Variants in LMNB2 observed in about 807,000 individuals in gnomAD.
The protein encoded by LMNB2 is lamin-B2.
A neutral mutation model predicts 69.3 loss-of-function variants in LMNB2; 17 were observed. That is an observed-to-expected ratio of 0.25 (90% CI 0.17 to 0.37). The LOEUF (loss-of-function observed/expected upper bound fraction) is 0.37, where lower values mean the gene tolerates loss of function less well. Ranked by LOEUF, LMNB2 falls within the 10% of genes least tolerant of loss-of-function variation. The pLI is 1.00. For missense variants in LMNB2, 789 were observed against 883.6 expected (o/e 0.89, Z 1.36); for synonymous variants, 397 against 389.3 (o/e 1.02, Z -0.23).
chr19:2,446,972 C>G (rs1971963585), intron 1 of LMNB2, among the ~76,000 whole-genome samples: 1 of 151,904 alleles, frequency 6.6e-6, no homozygotes, highest in African/African-American at 2.4e-5. Flanking sequence ...AACCCCGTCT[C>G]TACTAAAAAA....
At chr19:2,442,507 TG>T (rs1971909538) in intron 2 of LMNB2, among the ~76,000 whole-genome samples, 1 of 152,142 alleles carries the variant, frequency 6.6e-6, no homozygotes, top group South Asian at 2.1e-4. Context: ...AGGTGGATGT[TG>T]CAGTGAGCCG....
In LMNB2 at chr19:2,453,519, C is replaced by T. The variant is rs1972053673; in HGVS notation, c.264+3151G>A. Among the ~76,000 whole-genome samples, 2 of 152,102 alleles carry T rather than the reference C, an allele frequency of 1.3e-5. No homozygotes were observed. The highest frequency in any genetic ancestry group is 1.3e-4 in the Admixed American group (2 of 15,270). On this transcript the variant is annotated intron_variant, in intron 1 of 11. Coordinates refer to ENST00000325327, the MANE Select transcript of LMNB2 (RefSeq NM_032737.4). This position sits in a 1 kb window ranked among gnomAD's most constrained non-coding sequence, Gnocchi z 4.4. ...GCTCCCCACTAGCCGGGTTCCTGGC[C>T]CACTAGTCGCAGGCGGAACTCCCAG... is the stretch of plus-strand genomic sequence containing the variant.
chr19:2,431,958 G>A (rs1287467082), intron 9 of LMNB2, 56 bp from the exon 10 acceptor site: 33 of 1,565,436 alleles, frequency 2.1e-5, no homozygotes, highest in Non-Finnish European at 2.8e-5. Context: ...CAGGGACGTG[G>A]GCCAGCCAGT....
rs373722325 is a variant in LMNB2, at chr19:2,434,041, C to T, written c.1267G>A (p.Gly423Ser). Reference sequence around the variant, plus strand: ...AGGCGCCCGGTGGCGGACAAGCTGCCGCTGCTGCTCGAGGTGGCTCGTGAG... The same window carrying T: ...AGGCGCCCGGTGGCGGACAAGCTGCTGCTGCTGCTCGAGGTGGCTCGTGAG... ...TVSRATSSSS[G>S]SLSATGRLGR... The change falls in exon 8 of 12, where the codon GGC becomes AGC. Residue 423 changes from glycine to serine, a missense_variant. By Grantham distance (56) the Gly-to-Ser change is moderately conservative (BLOSUM62 0). Coordinates refer to ENST00000325327, the MANE Select transcript of LMNB2 (RefSeq NM_032737.4). 37 of 1,601,688 alleles carry T rather than the reference C, an allele frequency of 2.3e-5. 1 individual carries two copies. In the East Asian group the frequency reaches 3.1e-4, roughly 14 times the overall value.
chr19:2,434,756 G>T (rs753360244), intron 6 of LMNB2, 32 bp downstream of exon 6: 1 of 1,586,618 alleles, frequency 6.3e-7, no homozygotes, highest in African/African-American at 1.3e-5. Context: ...TTGGGCCAGG[G>T]GGACGGCAGA....
chr19:2,434,962 C>A, intron 5 of LMNB2, 39 bp downstream of exon 5: 3 of 1,466,910 alleles, frequency 2.0e-6, no homozygotes, highest in Admixed American at 1.8e-5. Flanking sequence ...GGGCGGGGTT[C>A]CCACCGGCCG....
intron 2 of LMNB2, among the ~76,000 whole-genome samples, chr19:2,442,277 G>A (rs1156796678): frequency 6.6e-6 from 1 of 152,010 alleles, no homozygotes; most frequent in Non-Finnish European, 1.5e-5. Context: ...GCAACATAGC[G>A]AGACCTCATC....
chr19:2,448,799 G>T (rs1971988008), intron 1 of LMNB2, among the ~76,000 whole-genome samples: 1 of 152,198 alleles, frequency 6.6e-6, no homozygotes, highest in South Asian at 2.1e-4. Context: ...TGTGAGCCAA[G>T]ATTGGGCCAT....
At position 2,431,858 on chromosome 19, in the gene LMNB2, C is replaced by G; in HGVS notation, c.1635G>C (p.Thr545=). The change falls in exon 10 of 12, where the codon ACG becomes ACC. Residue 545 remains threonine, a synonymous_variant. Transcript: ENST00000325327. ...GAGVAHSPPS[T]LVWKGQSSWG... ...AGCTGCTCTGGCCCTTCCACACCAG[C>G]GTCGAGGGGGGGCTGTGGGCCACCC... 6.2e-7 allele frequency: 1 copy of G among 1,613,278 alleles called. No homozygotes were observed. Among genetic ancestry groups the G allele is most frequent in the Non-Finnish European group, 8.5e-7 (1 of 1,179,910 alleles).
intron 2 of LMNB2, among the ~76,000 whole-genome samples, chr19:2,440,629 C>A (rs968476620): frequency 1.4e-5 from 2 of 141,592 alleles, no homozygotes; most frequent in Non-Finnish European, 3.3e-5. Flanking sequence ...ATCCATCCAT[C>A]CATCTACTCA....
rs1198100864 is a variant in LMNB2, at chr19:2,447,073, G to T, written c.265-2533C>A. Among the ~76,000 whole-genome samples the T allele has an allele frequency of 7.0e-6, 1 of 142,512 alleles. No individual in the cohort carries two copies. Among genetic ancestry groups the T allele is most frequent in the East Asian group, 1.9e-4 (1 of 5,132 alleles). The allele number at this position is 142,512 out of a possible 152,430, so 93.5% of individuals were successfully genotyped here. A position where few individuals can be genotyped will look rare whatever the true frequency, so the allele number is the denominator to read the frequency against. On this transcript the variant is annotated intron_variant, in intron 1 of 11. Coordinates refer to ENST00000325327, the MANE Select transcript of LMNB2 (RefSeq NM_032737.4). This position sits in a 1 kb window ranked among gnomAD's most constrained non-coding sequence, Gnocchi z 4.4. ...GCAGGAGAATGGCATGAACCCGGGA[G>T]GTGGAACTTGCAGTGAGCCGAGATC...
Position 2,453,434 on chromosome 19 carries a change from A to C in LMNB2, c.264+3236T>G, listed in dbSNP as rs1270412324. 6.8e-6 allele frequency among the ~76,000 whole-genome samples: 1 copy of C among 146,890 alleles called. No individual in the cohort carries two copies. Among genetic ancestry groups the C allele is most frequent in the African/African-American group, 2.5e-5 (1 of 39,388 alleles). ...CCAGCTATTCCAGGTCACTCCCTCC[A>C]TGTGGGCCCACATGACGTCCCCCCA... is the stretch of plus-strand genomic sequence containing the variant. On this transcript the variant is annotated intron_variant, in intron 1 of 11. Coordinates refer to ENST00000325327, the MANE Select transcript of LMNB2 (RefSeq NM_032737.4). This position sits in a 1 kb window ranked among gnomAD's most constrained non-coding sequence, Gnocchi z 4.4.
In LMNB2 at chr19:2,438,395, G is replaced by T. The variant is rs201202521; in HGVS notation, c.538C>A (p.Leu180Met). 5.6e-6 allele frequency: 9 copies of T among 1,612,920 alleles called. No homozygotes were observed. The East Asian group carries it at 2.0e-4, about 36-fold the overall frequency. The stretch of plus-strand genomic sequence containing the variant: ...CCTACCTTGGCCAGCTGGGCCCGCA[G>T]CTCAGCCACGTCACTCTCCAGGCCG... ...KRGLESDVAE[L>M]RAQLAKAEDG... The change falls in exon 3 of 12, where the codon CTG (leucine) becomes ATG (methionine). Residue 180 changes from leucine to methionine, a missense_variant. This residue lies in a region of LMNB2 where 609 missense variants were observed against 630.9 expected (regional missense o/e 0.97). Coordinates refer to ENST00000325327, the MANE Select transcript of LMNB2 (RefSeq NM_032737.4).
intron 4 of LMNB2, among the ~76,000 whole-genome samples, chr19:2,437,754 C>G (rs143822223): frequency 6.7e-6 from 1 of 149,534 alleles, no homozygotes; most frequent in African/African-American, 2.5e-5. Flanking sequence ...GAGCCAAGAT[C>G]GTGCCACCGC....
At chr19:2,442,827 C>T (rs565842748) in intron 2 of LMNB2, among the ~76,000 whole-genome samples, 4 of 152,234 alleles carry the variant, frequency 2.6e-5, no homozygotes, top group South Asian at 4.1e-4. Context: ...ACACCTAGGG[C>T]GGGCACTGTG....
Position 2,447,017 on chromosome 19 carries a change from G to A in LMNB2, c.265-2477C>T, listed in dbSNP as rs914863244. Among the ~76,000 whole-genome samples the A allele has an allele frequency of 4.6e-5, 7 of 151,964 alleles. No homozygotes were observed. The highest frequency in any genetic ancestry group is 3.9e-4 in the Admixed American group (6 of 15,224). On this transcript the variant is annotated intron_variant, in intron 1 of 11. Transcript: ENST00000325327. This position sits in a 1 kb window ranked among gnomAD's most constrained non-coding sequence, Gnocchi z 4.4. ...AAATTAGCCAGGCGTGGTGGTGGGC[G>A]CCTGTGGTCCCAGCTACTTGGGAGG...
chr19:2,429,804 T>G lies in LMNB2; in HGVS notation c.*1107A>C, dbSNP rs1482972417. On this transcript the variant is annotated 3_prime_UTR_variant, in exon 12 of 12. Transcript: ENST00000325327. ...AAATATCCATTAAAAAAATAACTTC[T>G]GTGTATCTATGAGGGAGGGTGTAAA... is the stretch of plus-strand genomic sequence containing the variant. 6.6e-6 allele frequency: 1 copy of G among 152,148 alleles called. No individual in the cohort carries two copies. The highest frequency in any genetic ancestry group is 2.4e-5 in the African/African-American group (1 of 41,396). 9.4% of individuals were successfully genotyped at this position (152,148 alleles called of 1,614,324 possible). A position where few individuals can be genotyped will look rare whatever the true frequency, so the allele number is the denominator to read the frequency against.
chr19:2,456,914 C>T lies in LMNB2; in HGVS notation c.20G>A (p.Gly7Asp). The T allele has an allele frequency of 1.0e-6, 1 of 999,196 alleles. No homozygotes were observed. The highest frequency in any genetic ancestry group is 1.2e-6 in the Non-Finnish European group (1 of 840,974). 61.9% of individuals were successfully genotyped at this position (999,196 alleles called of 1,614,324 possible). ...CGGCCTGCGCTGCTCCCGACGGCGG[C>T]CCGGGCTCGGCGGGCTCATTCAATC... is the stretch of plus-strand genomic sequence containing the variant. MSPPSP[G>D]RRREQRRPRA... The change falls in exon 1 of 12, where the codon GGC becomes GAC. Residue 7 changes from glycine to aspartate, a missense_variant. Around this residue, in one of 3 missense-constraint regions of LMNB2, gnomAD observed 35 missense variants for 23.9 expected, o/e 1.47. Transcript: ENST00000325327.
intron 2 of LMNB2, among the ~76,000 whole-genome samples, chr19:2,439,892 G>C (rs10420649): frequency 1 from 152,217 of 152,222 alleles, 76,106 homozygotes; most frequent in Non-Finnish European, 1. Context: ...CGCCACCAGC[G>C]TCCGCTAATT....
Sources: allele counts gnomAD v4.1 joint callset (sites outside exome capture counted in the v4.1 genomes callset), GRCh38; gene constraint gnomAD v4.1.1; regional missense constraint gnomAD v4.1.1; non-coding constraint Gnocchi (gnomAD v3.1); transcripts MANE v1.5; gene names NCBI Gene and HGNC (gene_info 2026-07-23, HGNC 2026-07-21).